Variants in C4orf51 observed in about 807,000 individuals in gnomAD.
The protein encoded by C4orf51 is uncharacterized protein C4orf51.
A neutral mutation model predicts 25.2 loss-of-function variants in C4orf51; 25 were observed. That is an observed-to-expected ratio of 0.99 (90% confidence interval 0.72 to 1.39). The LOEUF (loss-of-function observed/expected upper bound fraction) is 1.39. Among genes scored for constraint, C4orf51 ranks in the 40% most tolerant of loss-of-function variants. The pLI, the probability that C4orf51 is intolerant of heterozygous loss-of-function variation, is 0.00. For missense variants in C4orf51, 252 were observed against 239.6 expected, an observed-to-expected ratio of 1.05 and a Z score of -0.34; for synonymous variants, 100 against 84.5, an observed-to-expected ratio of 1.18 and a Z score of -1.01.
chr4:145,727,082 C>T, intron 3 of C4orf51, 113 bp downstream of exon 3: 1 of 778,112 alleles, frequency 1.3e-6, no homozygotes, highest in Non-Finnish European at 2.1e-6. Flanking sequence ...AAACAATATT[C>T]ACCAAACGTT....
chr4:145,787,214 C>T, the C4orf51 span, among the ~76,000 whole-genome samples: 18 of 152,148 alleles, frequency 1.2e-4, no homozygotes, highest in Admixed American at 5.9e-4. Flanking sequence ...CCTGTAATCC[C>T]GGCACTTTGG....
chr4:145,730,373 G>T (rs78384834), intron 5 of C4orf51, among the ~76,000 whole-genome samples: 1 of 152,056 alleles, frequency 6.6e-6, no homozygotes, highest in Non-Finnish European at 1.5e-5. Flanking sequence ...TCATGTGCCC[G>T]TCCTGCCACT....
chr4:145,772,268 C>A (rs1736410189), downstream of C4orf51, among the ~76,000 whole-genome samples: 1 of 152,164 alleles, frequency 6.6e-6, no homozygotes, highest in Non-Finnish European at 1.5e-5. Context: ...TGAGATACAG[C>A]AGTGACTTAG....
chr4:145,759,116 C>T (rs1017248812), downstream of C4orf51: 5 of 152,190 alleles, frequency 3.3e-5, no homozygotes, highest in African/African-American at 1.2e-4. Flanking sequence ...AATGTTCCTC[C>T]TGTACACCAG....
the C4orf51 span, among the ~76,000 whole-genome samples, chr4:145,790,569 G>T: frequency 1.6e-4 from 25 of 152,284 alleles, no homozygotes; most frequent in South Asian, 3.5e-3. Context: ...GTCATTTCCA[G>T]ATATTATTCA....
intron 1 of C4orf51, among the ~76,000 whole-genome samples, chr4:145,690,162 G>T (rs959852657): frequency 5.1e-5 from 7 of 138,238 alleles, no homozygotes; most frequent in Non-Finnish European, 1.1e-4. Flanking sequence ...AGCTGAGATT[G>T]CACCATCACA....
chr4:145,752,334 G>T (rs570568926), intron 1 of C4orf51, among the ~76,000 whole-genome samples: 1 of 152,278 alleles, frequency 6.6e-6, no homozygotes, highest in East Asian at 1.9e-4. Context: ...TGCTGGTTAT[G>T]CAGGACCCAA....
intron 1 of C4orf51, among the ~76,000 whole-genome samples, chr4:145,746,946 G>T (rs1024525704): frequency 6.6e-6 from 1 of 151,592 alleles, no homozygotes; most frequent in African/African-American, 2.4e-5. Flanking sequence ...TAATTTCTAG[G>T]TATCATTTTA....
At chr4:145,692,631 G>C (rs1281251874) in intron 1 of C4orf51, among the ~76,000 whole-genome samples, 1 of 152,190 alleles carries the variant, frequency 6.6e-6, no homozygotes, top group Non-Finnish European at 1.5e-5. Flanking sequence ...TTTGTGTGCT[G>C]AATACATGTA....
intron 2 of C4orf51, among the ~76,000 whole-genome samples, chr4:145,723,636 ATTTAAGGACC>A (rs1341933785): frequency 6.6e-6 from 1 of 152,258 alleles, no homozygotes; most frequent in Non-Finnish European, 1.5e-5. Flanking sequence ...TTGGCACAAC[ATTTAAGGACC>A]TAATACCTAA....
At chr4:145,747,514 A>G (rs562713911) in intron 1 of C4orf51, among the ~76,000 whole-genome samples, 8 of 151,984 alleles carry the variant, frequency 5.3e-5, no homozygotes, top group Non-Finnish European at 5.9e-5. Flanking sequence ...ATTGATTTGC[A>G]TATGTTGAGC....
chr4:145,683,699 A>G (rs992516295), intron 1 of C4orf51, among the ~76,000 whole-genome samples: 2 of 152,246 alleles, frequency 1.3e-5, no homozygotes, highest in African/African-American at 4.8e-5. Context: ...CCACATGCCA[A>G]AAAATTAACT....
intron 2 of C4orf51, among the ~76,000 whole-genome samples, chr4:145,699,642 A>G (rs1730299516): frequency 6.6e-6 from 1 of 152,240 alleles, no homozygotes; most frequent in African/African-American, 2.4e-5. Context: ...TAATCATTGC[A>G]GGGATGCCTC....
At chr4:145,687,046 C>A (rs1353998146) in intron 1 of C4orf51, among the ~76,000 whole-genome samples, 24 of 151,414 alleles carry the variant, frequency 1.6e-4, no homozygotes, top group Admixed American at 1.6e-3. Context: ...AAAAATAAAT[C>A]TTGGGGCCCC....
intron 2 of C4orf51, among the ~76,000 whole-genome samples, chr4:145,719,049 T>G (rs77185995): frequency 0.042 from 6,456 of 152,302 alleles, 391 homozygotes; most frequent in African/African-American, 0.14. Context: ...TACTTACTTA[T>G]TATCTCTTTC....
In C4orf51 at chr4:145,732,737, T is replaced by C. The variant is rs1732552546; in HGVS notation, c.*177T>C. Reference sequence around the variant, plus strand: ...TTCATTTATCAGTTTTTTCCCTTTTTAATTGGTGGAGAGAGACAAAAGTTT... The same window carrying C: ...TTCATTTATCAGTTTTTTCCCTTTTCAATTGGTGGAGAGAGACAAAAGTTT... On this transcript the variant is annotated 3_prime_UTR_variant, in exon 6 of 6. Transcript: ENST00000438731. 1 of 488,732 alleles carries C rather than the reference T, an allele frequency of 2.0e-6. No individual in the cohort carries two copies. The highest frequency in any genetic ancestry group is 2.0e-5 in the African/African-American group (1 of 50,880). The allele number at this position is 488,732 out of a possible 1,614,324, so 30.3% of individuals were successfully genotyped here.
In C4orf51 at chr4:145,696,822, C is replaced by G. The variant is rs1432709675; in HGVS notation, c.307+190C>G. On this transcript the variant is annotated intron_variant, in intron 2 of 5. Transcript: ENST00000438731. ...CCAAGGTGGGCGGATCACTTGAGGT[C>G]ACGAGTTCAAGACCAGGCTGGCCAA... Among the ~76,000 whole-genome samples the G allele has an allele frequency of 2.0e-5, 3 of 152,076 alleles. No homozygotes were observed. Among genetic ancestry groups the G allele is most frequent in the African/African-American group, 7.2e-5 (3 of 41,416 alleles).
the C4orf51 span, among the ~76,000 whole-genome samples, chr4:145,782,175 C>T: frequency 6.6e-6 from 1 of 152,206 alleles, no homozygotes; most frequent in African/African-American, 2.4e-5. Flanking sequence ...GCATTTGCTA[C>T]AGCAATCCAT....
chr4:145,767,927 A>T (rs1425125283), intron 1 of C4orf51, among the ~76,000 whole-genome samples: 1 of 152,254 alleles, frequency 6.6e-6, no homozygotes, highest in African/African-American at 2.4e-5. Context: ...GAGGCTGGAA[A>T]TAATAAATAC....
Sources: allele counts gnomAD v4.1 joint callset (sites outside exome capture counted in the v4.1 genomes callset), GRCh38; gene constraint gnomAD v4.1.1; transcripts MANE v1.5; gene names NCBI Gene and HGNC (gene_info 2026-07-23, HGNC 2026-07-21).